Variants in ANKRD61 observed in about 807,000 individuals in gnomAD.
ANKRD61 encodes the protein ankyrin repeat domain-containing protein 61.
ANKRD61 carries 7 observed loss-of-function variants against 8.4 expected under a neutral mutation model. The ratio of observed to expected loss-of-function variants is 0.84; its 90% CI spans 0.48 to 1.57. The LOEUF (loss-of-function observed/expected upper bound fraction) is 1.57. Among genes scored for constraint, ANKRD61 ranks in the 40% most tolerant of loss-of-function variants. The pLI, the probability that ANKRD61 is intolerant of heterozygous loss-of-function variation, is 0.00. For synonymous variants in ANKRD61, 198 were observed against 208.0 expected, an observed-to-expected ratio of 0.95 and a Z score of 0.41; for missense variants, 516 against 523.4, an observed-to-expected ratio of 0.99 and a Z score of 0.14.
intron 1 of ANKRD61, 49 bp downstream of exon 1, chr7:6,031,640 A>G (rs1787916254): frequency 1.3e-6 from 2 of 1,530,986 alleles, no homozygotes; most frequent in Non-Finnish European, 1.8e-6. Flanking sequence ...CAGGCTGCTT[A>G]GAAAGAAGCA....
At position 6,035,635 on chromosome 7, in the gene ANKRD61, G is replaced by C; in HGVS notation, c.506G>C (p.Arg169Pro). The part of the protein sequence containing the change: ...VNTQGEISNK[R>P]SPLHLAIAYG... ...ACTCAAGGGGAAATCAGCAACAAACGTTCACCACTCCACCTGGCCATAGCA... is the reference window on the plus strand; with the variant it reads ...ACTCAAGGGGAAATCAGCAACAAACCTTCACCACTCCACCTGGCCATAGCA... Residue 169 changes from arginine (R) to proline (P), a missense_variant, in exon 3 of 3, where the codon CGT (arginine) becomes CCT (proline). Physicochemically the swap from Arg to Pro is moderately radical, Grantham distance 103. Coordinates refer to ENST00000409061, the MANE Select transcript of ANKRD61 (RefSeq NM_001271700.2). The surrounding 1 kb of genome is among the most constrained non-coding windows in gnomAD (Gnocchi z 5.5). 2 of 1,550,572 alleles carry C rather than the reference G, an allele frequency of 1.3e-6. No individual in the cohort carries two copies. Among genetic ancestry groups the C allele is most frequent in the Admixed American group, 2.0e-5 (1 of 50,966 alleles).
At chr7:6,034,568 C>G (rs12672450) in intron 2 of ANKRD61, among the ~76,000 whole-genome samples, 52,992 of 152,022 alleles carry the variant, frequency 0.35, 10,140 homozygotes, top group Middle Eastern at 0.46. Flanking sequence ...ATTTACTGAG[C>G]TGTTTCACTG....
chr7:6,031,529 C>T lies in ANKRD61; in HGVS notation c.154C>T (p.Pro52Ser), dbSNP rs2128886166. Reference protein sequence around the residue: ...TTIEVLLRNHPVNQPITILPN... With the variant: ...TTIEVLLRNHSVNQPITILPN... ...GATCGAGGTACTCCTGAGAAATCACCCTGTCAACCAGCCCATCACCATTCT... is the reference window on the plus strand; with the variant it reads ...GATCGAGGTACTCCTGAGAAATCACTCTGTCAACCAGCCCATCACCATTCT... Residue 52 changes from proline (P) to serine (S), a missense_variant, in exon 1 of 3, where the codon CCT becomes TCT. By Grantham distance (74) the Pro-to-Ser change is moderately conservative. Transcript: ENST00000409061. 1.9e-6 allele frequency: 3 copies of T among 1,550,726 alleles called. No individual in the cohort carries two copies. In the South Asian group the frequency reaches 3.6e-5, roughly 18 times the overall value.
rs1437313598 is a variant in ANKRD61, at chr7:6,033,331, A to AT, written c.314+401dup. On this transcript the variant is annotated intron_variant, in intron 2 of 2. Coordinates refer to ENST00000409061, the MANE Select transcript of ANKRD61 (RefSeq NM_001271700.2). The surrounding 1 kb of genome is among the most constrained non-coding windows in gnomAD (Gnocchi z 4.4). ...TATAGATTTTTTTTTCAGTTCATAC[A>AT]TTTTTTCCACTTATGTTTGGACTTG... Among the ~76,000 whole-genome samples the AT allele has an allele frequency of 1.3e-5, 2 of 152,062 alleles. No individual in the cohort carries two copies. The highest frequency in any genetic ancestry group is 1.9e-4 in the East Asian group (1 of 5,178).
Position 6,033,834 on chromosome 7 carries a change from G to A in ANKRD61, c.314+898G>A, listed in dbSNP as rs937066512. ...TCCGTCCACCTCAGCCTCCCAAAGT[G>A]CTGGGATTACAGGCGTGAGCCGCCG... On this transcript the variant is annotated intron_variant, in intron 2 of 2. Transcript: ENST00000409061. The surrounding 1 kb of genome is among the most constrained non-coding windows in gnomAD (Gnocchi z 4.4). 6.6e-6 allele frequency among the ~76,000 whole-genome samples: 1 copy of A among 151,846 alleles called. No homozygotes were observed. Among genetic ancestry groups the A allele is most frequent in the Non-Finnish European group, 1.5e-5 (1 of 67,978 alleles).
In ANKRD61 at chr7:6,033,017, G is replaced by A; in HGVS notation, c.314+81G>A. 1 of 1,216,792 alleles carries A rather than the reference G, an allele frequency of 8.2e-7. No individual in the cohort carries two copies. The highest frequency in any genetic ancestry group is 1.1e-6 in the Non-Finnish European group (1 of 869,860). 75.4% of individuals were successfully genotyped at this position (1,216,792 alleles called of 1,614,324 possible). ...GGGGTCTCGCTCTGTTGCCCAGGCT[G>A]GAGTGCAATGGCACAATCTCGCCTC... On this transcript the variant is annotated intron_variant, in intron 2 of 2. Coordinates refer to ENST00000409061, the MANE Select transcript of ANKRD61 (RefSeq NM_001271700.2). This position sits in a 1 kb window ranked among gnomAD's most constrained non-coding sequence, Gnocchi z 4.4.
In ANKRD61 at chr7:6,036,267, T is replaced by C; in HGVS notation, c.1138T>C (p.Cys380Arg). 6.5e-7 allele frequency: 1 copy of C among 1,549,940 alleles called. No individual in the cohort carries two copies. The highest frequency in any genetic ancestry group is 1.2e-5 in the South Asian group (1 of 83,996). ...SQKPLSLQGI[C>R]KRNIRNIYGE... ...AAAACCTTTATCCCTACAGGGTATC[T>C]GCAAAAGAAACATCAGGAATATTTA... The change falls in exon 3 of 3, where the codon TGC becomes CGC. Residue 380 changes from cysteine (C) to arginine (R), a missense_variant. Physicochemically the swap from Cys to Arg is radical, Grantham distance 180 (BLOSUM62 -3). Coordinates refer to ENST00000409061, the MANE Select transcript of ANKRD61 (RefSeq NM_001271700.2). This position sits in a 1 kb window ranked among gnomAD's most constrained non-coding sequence, Gnocchi z 4.6.
chr7:6,033,215 T>G lies in ANKRD61; in HGVS notation c.314+279T>G, dbSNP rs7791669. On this transcript the variant is annotated intron_variant, in intron 2 of 2. Transcript: ENST00000409061. This position sits in a 1 kb window ranked among gnomAD's most constrained non-coding sequence, Gnocchi z 4.4. Reference sequence around the variant, plus strand: ...AACTCCTGGCCTCAAGTGATCCACCTGCCTCGGCCTCCCAAAGTGCTGGGA... The same window carrying G: ...AACTCCTGGCCTCAAGTGATCCACCGGCCTCGGCCTCCCAAAGTGCTGGGA... 0.038 allele frequency among the ~76,000 whole-genome samples: 5,777 copies of G among 152,204 alleles called. 375 individuals are homozygous for G. Among genetic ancestry groups the G allele is most frequent in the African/African-American group, 0.13 (5,477 of 41,532 alleles).
chr7:6,034,958 G>A (rs1057139413), intron 2 of ANKRD61, among the ~76,000 whole-genome samples: 6 of 152,118 alleles, frequency 3.9e-5, no homozygotes, highest in South Asian at 2.1e-4. Flanking sequence ...AGGAGTCAAC[G>A]GGAGTTCGGG....
intron 2 of ANKRD61, among the ~76,000 whole-genome samples, chr7:6,034,168 G>A (rs929683154): frequency 4.6e-5 from 7 of 151,826 alleles, no homozygotes; most frequent in African/African-American, 1.2e-4. Context: ...CTAGCCAGGC[G>A]TGGTGGCGGG....
chr7:6,034,925 A>G (rs1473448140), intron 2 of ANKRD61, among the ~76,000 whole-genome samples: 1 of 152,076 alleles, frequency 6.6e-6, no homozygotes, highest in Non-Finnish European at 1.5e-5. Context: ...CGGGTAGGAG[A>G]GCAGAGACAG....
Position 6,035,488 on chromosome 7 carries a change from G to A in ANKRD61, c.359G>A (p.Trp120Ter), listed in dbSNP as rs1788051251. The change falls in exon 3 of 3, where the codon TGG (tryptophan) becomes TAG (stop). Residue 120 changes from tryptophan to a stop codon, truncating the protein, a stop_gained. Transcript: ENST00000409061. LOFTEE classifies it low-confidence loss of function (END_TRUNC). The surrounding 1 kb of genome is among the most constrained non-coding windows in gnomAD (Gnocchi z 5.5). ...LTTLNLMLLH[W>*]PVTSTTWAKP... ...ACACTCAACTTAATGCTACTGCACT[G>A]GCCAGTCACTTCCACCACGTGGGCA... The A allele has an allele frequency of 1.3e-6, 2 of 1,550,992 alleles. No individual in the cohort carries two copies. Among genetic ancestry groups the A allele is most frequent in the Non-Finnish European group, 1.7e-6 (2 of 1,147,092 alleles).
In ANKRD61 at chr7:6,033,858, C is replaced by T. The variant is rs151050265; in HGVS notation, c.314+922C>T. Among the ~76,000 whole-genome samples the T allele has an allele frequency of 1.3e-5, 2 of 152,012 alleles. No homozygotes were observed. The highest frequency in any genetic ancestry group is 6.5e-5 in the Admixed American group (1 of 15,278). On this transcript the variant is annotated intron_variant, in intron 2 of 2. Transcript: ENST00000409061. This position sits in a 1 kb window ranked among gnomAD's most constrained non-coding sequence, Gnocchi z 4.4. ...TGCTGGGATTACAGGCGTGAGCCGC[C>T]GTGCCTGGCCGACAATGGATTTTCT...
In ANKRD61 at chr7:6,033,561, A is replaced by T. The variant is rs1419135883; in HGVS notation, c.314+625A>T. ...CCACCAAAGTTAGGTGTGAAAAATA[A>T]AATATAGGTAGACAATGGATTTTCT... On this transcript the variant is annotated intron_variant, in intron 2 of 2. Transcript: ENST00000409061. The surrounding 1 kb of genome is among the most constrained non-coding windows in gnomAD (Gnocchi z 4.4). Among the ~76,000 whole-genome samples, 1 of 152,076 alleles carries T rather than the reference A, an allele frequency of 6.6e-6. No homozygotes were observed. The highest frequency in any genetic ancestry group is 2.4e-5 in the African/African-American group (1 of 41,384).
chr7:6,034,778 G>T (rs553306378), intron 2 of ANKRD61, among the ~76,000 whole-genome samples: 1 of 152,144 alleles, frequency 6.6e-6, no homozygotes, highest in African/African-American at 2.4e-5. Context: ...TTTTGAAAGC[G>T]CTTCTGAGAT....
At position 6,036,491 on chromosome 7, in the gene ANKRD61, CCAAATGTA is replaced by C; in HGVS notation, c.*110_*117del. ...TGCTTCACCTATCACCTGTGACATC[CCAAATGTA>C]CAAACTACTGATTCTTGAACATGTT... On this transcript the variant is annotated 3_prime_UTR_variant, in exon 3 of 3. Coordinates refer to ENST00000409061, the MANE Select transcript of ANKRD61 (RefSeq NM_001271700.2). This position sits in a 1 kb window ranked among gnomAD's most constrained non-coding sequence, Gnocchi z 4.6. 2.9e-6 allele frequency: 2 copies of C among 680,214 alleles called. No homozygotes were observed. The highest frequency in any genetic ancestry group is 4.5e-6 in the Non-Finnish European group (2 of 442,080). The allele number at this position is 680,214 out of a possible 1,614,324, so 42.1% of individuals were successfully genotyped here.
In ANKRD61 at chr7:6,035,470, A is replaced by C. The variant is rs1409268462; in HGVS notation, c.341A>C (p.Asn114Thr). 1 of 1,550,768 alleles carries C rather than the reference A, an allele frequency of 6.4e-7. No homozygotes were observed. The change falls in exon 3 of 3, where the codon AAC becomes ACC. Residue 114 changes from asparagine (N) to threonine (T), a missense_variant. Coordinates refer to ENST00000409061, the MANE Select transcript of ANKRD61 (RefSeq NM_001271700.2). This position sits in a 1 kb window ranked among gnomAD's most constrained non-coding sequence, Gnocchi z 5.5. ...VRDTTGLTTLNLMLLHWPVTS... is the reference protein window; with the variant it reads ...VRDTTGLTTLTLMLLHWPVTS... ...GACACGACAGGCCTCACCACACTCA[A>C]CTTAATGCTACTGCACTGGCCAGTC...
Position 6,032,814 on chromosome 7 carries a change from A to T in ANKRD61, c.217-25A>T. 6.5e-7 allele frequency: 1 copy of T among 1,530,114 alleles called. No homozygotes were observed. The highest frequency in any genetic ancestry group is 8.9e-7 in the Non-Finnish European group (1 of 1,128,584). 94.8% of individuals were successfully genotyped at this position (1,530,114 alleles called of 1,614,324 possible). A position where few individuals can be genotyped will look rare whatever the true frequency, so the allele number is the denominator to read the frequency against. ...TTTTTAACTACACAGGGCCACTTGT[A>T]ATGTGTTTTGTTTTCCCTCCAAAGC... On this transcript the variant is annotated intron_variant, in intron 1 of 2. Coordinates refer to ENST00000409061, the MANE Select transcript of ANKRD61 (RefSeq NM_001271700.2). This position sits in a 1 kb window ranked among gnomAD's most constrained non-coding sequence, Gnocchi z 4.3.
In ANKRD61 at chr7:6,032,736, G is replaced by T; in HGVS notation, c.217-103G>T. On this transcript the variant is annotated intron_variant, in intron 1 of 2. Transcript: ENST00000409061. This position sits in a 1 kb window ranked among gnomAD's most constrained non-coding sequence, Gnocchi z 4.3. Reference sequence around the variant, plus strand: ...CATACCAGAAAAAGAGTGAGCCAATGAGACACTAAATAAATGTATTGCCTT... The same window carrying T: ...CATACCAGAAAAAGAGTGAGCCAATTAGACACTAAATAAATGTATTGCCTT... 1.1e-6 allele frequency: 1 copy of T among 892,998 alleles called. No individual in the cohort carries two copies. The highest frequency in any genetic ancestry group is 1.7e-5 in the South Asian group (1 of 60,396). The allele number at this position is 892,998 out of a possible 1,614,324, so 55.3% of individuals were successfully genotyped here. A position where few individuals can be genotyped will look rare whatever the true frequency, so the allele number is the denominator to read the frequency against.
Sources: gnomAD v4.1 joint callset for allele counts (sites outside exome capture counted in the v4.1 genomes callset) on GRCh38, gnomAD v4.1.1 for gene constraint, Gnocchi (gnomAD v3.1) non-coding constraint, MANE v1.5 for transcripts, NCBI Gene and HGNC (gene_info 2026-07-23, HGNC 2026-07-21) for gene names.